The following VSTM4 variants were observed in gnomAD, a reference collection of about 807,000 sequenced individuals.
VSTM4 encodes the protein V-set and transmembrane domain-containing protein 4.
Under a neutral mutation model 36.4 loss-of-function variants are expected in VSTM4, and 20 were observed. The ratio of observed to expected loss-of-function variants is 0.55; its 90% confidence interval spans 0.39 to 0.80. The LOEUF (loss-of-function observed/expected upper bound fraction) is 0.80. VSTM4 is among the 30% of genes least tolerant of loss of function. The pLI is 0.00. For synonymous variants in VSTM4, 182 were observed against 173.9 expected (o/e 1.05, Z -0.37); for missense variants, 392 against 404.5 (o/e 0.97, Z 0.26).
chr10:49,096,157 A>T (rs1246146100), intron 2 of VSTM4, among the ~76,000 whole-genome samples: 3 of 152,168 alleles, frequency 2.0e-5, no homozygotes, highest in Non-Finnish European at 2.9e-5. Context: ...TATCTGTTCC[A>T]TGTCTCCCGA....
intron 1 of VSTM4, among the ~76,000 whole-genome samples, chr10:49,111,483 T>C (rs1343306641): frequency 6.6e-6 from 1 of 152,110 alleles, no homozygotes; most frequent in Non-Finnish European, 1.5e-5. Context: ...CCTGATGGTG[T>C]CACTCGCCCC....
At chr10:49,040,268 T>C (rs1163308502) in intron 7 of VSTM4, among the ~76,000 whole-genome samples, 1 of 152,220 alleles carries the variant, frequency 6.6e-6, no homozygotes, top group Non-Finnish European at 1.5e-5. Flanking sequence ...TTAAAATGTC[T>C]AAAATGCTTT....
intron 3 of VSTM4, among the ~76,000 whole-genome samples, chr10:49,079,114 G>A (rs1000025315): frequency 2.0e-5 from 3 of 152,184 alleles, no homozygotes; most frequent in African/African-American, 7.2e-5. Context: ...TTACAGGCAT[G>A]AGCCACTGTG....
At chr10:49,026,056 C>T (rs1346623237) in intron 7 of VSTM4, among the ~76,000 whole-genome samples, 8 of 152,174 alleles carry the variant, frequency 5.3e-5, no homozygotes, top group Admixed American at 5.2e-4. Flanking sequence ...GGCTCCTTGC[C>T]CAGGGAAGCT....
At position 49,019,178 on chromosome 10, in the gene VSTM4, A is replaced by G. The variant is rs1843143452; in HGVS notation, c.*472T>C. The G allele has an allele frequency of 6.6e-6, 1 of 152,254 alleles. No homozygotes were observed. The highest frequency in any genetic ancestry group is 2.4e-5 in the African/African-American group (1 of 41,456). 9.4% of individuals were successfully genotyped at this position (152,254 alleles called of 1,614,324 possible). ...TCAGCAGTTGGCTGTGGCCCTGGCA[A>G]TGCCATCTGATCCTTGGAAAACCAA... On this transcript the variant is annotated 3_prime_UTR_variant, in exon 8 of 8. Transcript: ENST00000332853.
chr10:49,107,728 G>GC lies in VSTM4; in HGVS notation c.322dup (p.Ala108GlyfsTer53), dbSNP rs781660756. On this transcript the variant is annotated frameshift_variant, in exon 2 of 8. Coordinates refer to ENST00000332853, the MANE Select transcript of VSTM4 (RefSeq NM_001031746.5). LOFTEE classifies it high-confidence loss of function. ...TGTCAAGACGGAGAGCCTGTAGAGC[G>GC]CCCCCCGCTGCTCCTCCAGCAGGCG... 2.5e-6 allele frequency: 4 copies of GC among 1,613,986 alleles called. No individual in the cohort carries two copies. The highest frequency in any genetic ancestry group is 1.3e-5 in the African/African-American group (1 of 74,930).
At chr10:49,108,405 G>A (rs1844830354) in intron 1 of VSTM4, among the ~76,000 whole-genome samples, 1 of 152,124 alleles carries the variant, frequency 6.6e-6, no homozygotes, top group African/African-American at 2.4e-5. Context: ...CCCTCCCCAA[G>A]GCCTACTTTT....
At chr10:49,054,638 T>C (rs1843748066) in intron 5 of VSTM4, among the ~76,000 whole-genome samples, 1 of 152,238 alleles carries the variant, frequency 6.6e-6, no homozygotes, top group Non-Finnish European at 1.5e-5. Flanking sequence ...GAGCAGTTTA[T>C]GCAGGAGGAA....
intron 2 of VSTM4, among the ~76,000 whole-genome samples, chr10:49,090,635 C>T (rs955420441): frequency 1.3e-5 from 2 of 152,192 alleles, no homozygotes; most frequent in African/African-American, 4.8e-5. Flanking sequence ...CCTCCCTCAC[C>T]CCTGGTGGAC....
intron 2 of VSTM4, among the ~76,000 whole-genome samples, chr10:49,089,026 T>C (rs932508380): frequency 1.3e-5 from 2 of 152,230 alleles, no homozygotes; most frequent in Admixed American, 6.5e-5. Context: ...CTGGGTGAAA[T>C]GTATGCCTTT....
At chr10:49,102,334 C>A in intron 2 of VSTM4, 24 of 861,548 alleles carry the variant, frequency 2.8e-5, no homozygotes, top group Non-Finnish European at 3.3e-5. Context: ...TGGGGTTTCA[C>A]CATGTTGGCC....
At chr10:49,085,757 G>A (rs770742900) in intron 3 of VSTM4, among the ~76,000 whole-genome samples, 198 bp downstream of exon 3, 5 of 152,098 alleles carry the variant, frequency 3.3e-5, no homozygotes, top group Non-Finnish European at 7.4e-5. Flanking sequence ...GGGGAAAGGG[G>A]GAGGGATGGC....
rs114640545 is a variant in VSTM4, at chr10:49,063,627, G to C, written c.668+1076C>G. Among the ~76,000 whole-genome samples the C allele has an allele frequency of 4.4e-3, 663 of 152,340 alleles. 7 individuals carry two copies. The highest frequency in any genetic ancestry group is 0.015 in the African/African-American group (618 of 41,574). On this transcript the variant is annotated intron_variant, in intron 5 of 7. Coordinates refer to ENST00000332853, the MANE Select transcript of VSTM4 (RefSeq NM_001031746.5). ...AGACTTTACAGTATTATTTTGGTCT[G>C]TTTGGTTTATATGGTGCCACTGGGC...
At chr10:49,060,572 G>A (rs7907959) in intron 5 of VSTM4, among the ~76,000 whole-genome samples, 29,769 of 152,084 alleles carry the variant, frequency 0.2, 4,495 homozygotes, top group African/African-American at 0.41. Flanking sequence ...TTATTGAGTT[G>A]TGAGAGGTCT....
chr10:49,083,134 T>C (rs1844309677), intron 3 of VSTM4, among the ~76,000 whole-genome samples: 1 of 152,242 alleles, frequency 6.6e-6, no homozygotes, highest in Admixed American at 6.5e-5. Flanking sequence ...GCTTCAGTCT[T>C]GTACATTTCC....
intron 7 of VSTM4, among the ~76,000 whole-genome samples, chr10:49,034,783 T>C (rs957818741): frequency 5.9e-5 from 9 of 152,146 alleles, no homozygotes; most frequent in African/African-American, 2.2e-4. Context: ...TTTCTAGTAT[T>C]CTCCATGTAG....
chr10:49,069,310 C>T (rs148728051), intron 4 of VSTM4, among the ~76,000 whole-genome samples: 1 of 152,328 alleles, frequency 6.6e-6, no homozygotes, highest in African/African-American at 2.4e-5. Flanking sequence ...GCACAGGCCC[C>T]GCAATAGGAC....
intron 7 of VSTM4, among the ~76,000 whole-genome samples, chr10:49,046,206 G>A (rs575528523): frequency 6.6e-6 from 1 of 152,246 alleles, no homozygotes; most frequent in East Asian, 1.9e-4. Context: ...ATAGCAGTGT[G>A]AGAACTGACT....
intron 3 of VSTM4, among the ~76,000 whole-genome samples, chr10:49,079,550 T>C (rs551034526): frequency 2.0e-5 from 3 of 152,352 alleles, no homozygotes; most frequent in South Asian, 4.1e-4. Flanking sequence ...GACTTAACTT[T>C]CTACAACCAA....
Sources: gnomAD v4.1 joint callset for allele counts (sites outside exome capture counted in the v4.1 genomes callset) on GRCh38, gnomAD v4.1.1 for gene constraint, MANE v1.5 for transcripts, NCBI Gene and HGNC (gene_info 2026-07-23, HGNC 2026-07-21) for gene names.